The following PPM1E variants were observed in gnomAD, a reference collection of about 807,000 sequenced individuals.
PPM1E encodes the protein protein phosphatase 1E.
A neutral mutation model predicts 65.9 loss-of-function variants in PPM1E; 20 were observed. The observed-to-expected ratio is 0.30, with a 90% CI of 0.21 to 0.44. The LOEUF (loss-of-function observed/expected upper bound fraction) is 0.44, where lower values mean the gene tolerates loss of function less well. Ranked by LOEUF, PPM1E falls within the 20% of genes least tolerant of loss-of-function variation. The pLI, the probability that PPM1E is intolerant of heterozygous loss-of-function variation, is 1.00. For missense variants in PPM1E, 713 were observed against 953.1 expected, an observed-to-expected ratio of 0.75 and a Z score of 3.32; for synonymous variants, 352 against 374.9, an observed-to-expected ratio of 0.94 and a Z score of 0.70.
At chr17:58,861,425 G>C (rs562363743) in intron 1 of PPM1E, among the ~76,000 whole-genome samples, 1 of 152,184 alleles carries the variant, frequency 6.6e-6, no homozygotes, top group Admixed American at 6.5e-5. Context: ...GACTACCTCA[G>C]ATGCTGTCTT....
At position 58,878,535 on chromosome 17, in the gene PPM1E, C is replaced by T. The variant is rs181640854; in HGVS notation, c.465-77114C>T. Among the ~76,000 whole-genome samples, 409 of 151,740 alleles carry T rather than the reference C, an allele frequency of 2.7e-3. 1 individual carries two copies. Among genetic ancestry groups the T allele is most frequent in the African/African-American group, 9.5e-3 (394 of 41,412 alleles). ...CTGGGATTACAGGCGTGAGCCACCACGCCTAGCCAGAATAGATGATCATTT... is the reference window on the plus strand; with the variant it reads ...CTGGGATTACAGGCGTGAGCCACCATGCCTAGCCAGAATAGATGATCATTT... On this transcript the variant is annotated intron_variant, in intron 1 of 6. Coordinates refer to ENST00000308249, the MANE Select transcript of PPM1E (RefSeq NM_014906.5).
chr17:58,967,486 T>C (rs1484465236), intron 3 of PPM1E, among the ~76,000 whole-genome samples: 1 of 151,088 alleles, frequency 6.6e-6, no homozygotes, highest in African/African-American at 2.4e-5. Flanking sequence ...CTGATCCTAA[T>C]TTCATTTATA....
intron 1 of PPM1E, among the ~76,000 whole-genome samples, chr17:58,834,078 G>A (rs1598600385): frequency 1.3e-5 from 2 of 152,080 alleles, no homozygotes; most frequent in South Asian, 2.1e-4. Flanking sequence ...CGCCCATTTG[G>A]AAGTGTTTTG....
chr17:58,759,235 G>A (rs8081074), intron 1 of PPM1E, among the ~76,000 whole-genome samples: 22,104 of 152,054 alleles, frequency 0.15, 2,486 homozygotes, highest in East Asian at 0.31. Flanking sequence ...TCCAGCCTGA[G>A]TGACAGTGAG....
intron 1 of PPM1E, among the ~76,000 whole-genome samples, chr17:58,918,804 T>TA: frequency 5.8e-5 from 1 of 17,138 alleles, no homozygotes; most frequent in South Asian, 3.0e-3. Flanking sequence ...AGACTCCGTC[T>TA]CAAAAAAAAA....
chr17:58,799,343 C>T (rs1173278161), intron 1 of PPM1E, among the ~76,000 whole-genome samples: 2 of 150,012 alleles, frequency 1.3e-5, no homozygotes, highest in African/African-American at 4.9e-5. Flanking sequence ...GCAGTGGCGC[C>T]GTCAGGGCTC....
chr17:58,890,297 G>C (rs550986023), intron 1 of PPM1E, among the ~76,000 whole-genome samples: 1 of 152,064 alleles, frequency 6.6e-6, no homozygotes, highest in Non-Finnish European at 1.5e-5. Flanking sequence ...ACCTTCTTAT[G>C]TGTCAGAACA....
rs753059616 is a variant in PPM1E at position 58,955,643 on chromosome 17, T to C, written c.465-6T>C. The stretch of plus-strand genomic sequence containing the variant: ...TGAAAATGGCCTTTTATCTTTTTTC[T>C]TGCAGTAATTGCCCTTCCTTTTTGG... On this transcript the variant is annotated splice_region_variant and splice_polypyrimidine_tract_variant and intron_variant, in intron 1 of 6. Transcript: ENST00000308249. The C allele has an allele frequency of 4.3e-6, 7 of 1,613,060 alleles. No homozygotes were observed. The Admixed American group carries it at 1.2e-4, about 27-fold the overall frequency.
At chr17:58,843,557 G>T (rs2050741976) in intron 1 of PPM1E, among the ~76,000 whole-genome samples, 1 of 152,016 alleles carries the variant, frequency 6.6e-6, no homozygotes, top group Admixed American at 6.6e-5. Context: ...GGGCACAGTG[G>T]CTCACACCTG....
chr17:58,884,266 A>C (rs1340030872), intron 1 of PPM1E, among the ~76,000 whole-genome samples: 1 of 152,184 alleles, frequency 6.6e-6, no homozygotes, highest in African/African-American at 2.4e-5. Context: ...ACTTACCCCC[A>C]GTTCCACAGG....
At chr17:58,878,557 A>G (rs1302314439) in intron 1 of PPM1E, among the ~76,000 whole-genome samples, 1 of 151,562 alleles carries the variant, frequency 6.6e-6, no homozygotes, top group Non-Finnish European at 1.5e-5. Context: ...ATAGATGATC[A>G]TTTAAAAGCT....
chr17:58,823,965 C>T (rs1598593540), intron 1 of PPM1E, among the ~76,000 whole-genome samples: 1 of 152,012 alleles, frequency 6.6e-6, no homozygotes, highest in African/African-American at 2.4e-5. Context: ...CTCCTGACCT[C>T]GTGATCTGCC....
chr17:58,978,985 C>G (rs2031198396), intron 6 of PPM1E, among the ~76,000 whole-genome samples: 1 of 152,174 alleles, frequency 6.6e-6, no homozygotes, highest in South Asian at 2.1e-4. Flanking sequence ...TACTCCCTAA[C>G]AGTTGCCTCT....
intron 1 of PPM1E, among the ~76,000 whole-genome samples, chr17:58,823,737 TA>T (rs1225002504): frequency 6.6e-6 from 1 of 152,150 alleles, no homozygotes; most frequent in Non-Finnish European, 1.5e-5. Flanking sequence ...TTTATTTATT[TA>T]TTTATTTTTT....
rs138829318 is a variant in PPM1E, at chr17:58,813,815, G to C, written c.464+57354G>C. The stretch of plus-strand genomic sequence containing the variant: ...GGCTTTCCTCTTGCCTTTTTGAGAA[G>C]TAGACATATGTACTGGAGGCAACCT... On this transcript the variant is annotated intron_variant, in intron 1 of 6. Transcript: ENST00000308249. Among the ~76,000 whole-genome samples the C allele has an allele frequency of 5.8e-3, 882 of 152,242 alleles. 5 individuals are homozygous for C. Among genetic ancestry groups the C allele is most frequent in the African/African-American group, 9.5e-3 (394 of 41,544 alleles).
At chr17:58,847,288 T>G (rs375289989) in intron 1 of PPM1E, among the ~76,000 whole-genome samples, 2 of 152,078 alleles carry the variant, frequency 1.3e-5, no homozygotes, top group South Asian at 2.1e-4. Flanking sequence ...GATCCCATTT[T>G]TCAATTTTGG....
At chr17:58,955,306 G>A (rs369219377) in intron 1 of PPM1E, among the ~76,000 whole-genome samples, 17 of 152,080 alleles carry the variant, frequency 1.1e-4, no homozygotes, top group Non-Finnish European at 2.5e-4. Context: ...CAGAGGTTGC[G>A]GTGAGCCCAA....
chr17:58,952,969 C>T lies in PPM1E; in HGVS notation c.465-2680C>T, dbSNP rs115389240. 9.5e-3 allele frequency among the ~76,000 whole-genome samples: 1,450 copies of T among 152,210 alleles called. 20 individuals carry two copies. Among genetic ancestry groups the T allele is most frequent in the African/African-American group, 0.032 (1,344 of 41,532 alleles). ...GATTACAGGCATGAGCCACCACCCCCGACCTGGAGTACTAGTTTCTTAATG... is the reference window on the plus strand; with the variant it reads ...GATTACAGGCATGAGCCACCACCCCTGACCTGGAGTACTAGTTTCTTAATG... On this transcript the variant is annotated intron_variant, in intron 1 of 6. Transcript: ENST00000308249.
intron 2 of PPM1E, among the ~76,000 whole-genome samples, chr17:58,957,733 T>C (rs953582724): frequency 6.6e-6 from 1 of 152,228 alleles, no homozygotes; most frequent in African/African-American, 2.4e-5. Context: ...AAAAAATCCT[T>C]AAATTTCTTT....
Sources: allele counts gnomAD v4.1 joint callset (sites outside exome capture counted in the v4.1 genomes callset), GRCh38; gene constraint gnomAD v4.1.1; transcripts MANE v1.5; gene names NCBI Gene and HGNC (gene_info 2026-07-23, HGNC 2026-07-21).